ADAMTS18: variants seen among roughly 807,000 people sequenced by gnomAD.
The protein encoded by ADAMTS18 is A disintegrin and metalloproteinase with thrombospondin motifs 18.
Under a neutral mutation model 165.9 loss-of-function variants are expected in ADAMTS18, and 157 were observed. The ratio of observed to expected loss-of-function variants is 0.95; its 90% CI spans 0.83 to 1.08. ADAMTS18 has a LOEUF of 1.08. Among genes scored for constraint, ADAMTS18 ranks in the 50% least tolerant of loss-of-function variants. The pLI is 0.00. For synonymous variants in ADAMTS18, 782 were observed against 578.2 expected (o/e 1.35, Z -5.06); for missense variants, 2,040 against 1,534.0 (o/e 1.33, Z -5.51).
At chr16:77,349,123 T>C (rs1365320381) in intron 10 of ADAMTS18, among the ~76,000 whole-genome samples, 1 of 152,204 alleles carries the variant, frequency 6.6e-6, no homozygotes, top group East Asian at 1.9e-4. Flanking sequence ...AGTTTCTAAT[T>C]ATTCTCCATT....
chr16:77,342,177 G>A (rs992671319), intron 10 of ADAMTS18, among the ~76,000 whole-genome samples: 6 of 152,146 alleles, frequency 3.9e-5, no homozygotes, highest in Non-Finnish European at 7.4e-5. Context: ...TGAAATGCCT[G>A]GTTTCATGCC....
Position 77,320,016 on chromosome 16 carries a change from G to C in ADAMTS18, c.2365C>G (p.Leu789Val), listed in dbSNP as rs372870721. The C allele has an allele frequency of 1.5e-5, 24 of 1,614,038 alleles. No individual in the cohort carries two copies. The highest frequency in any genetic ancestry group is 1.8e-5 in the Non-Finnish European group (21 of 1,180,018). ...TTTTGACTGAGGCTTCGAACTGCGA[G>C]GTAACTGGAGGAAACCTGCAGCTCC... is the stretch of plus-strand genomic sequence containing the variant. ...IQELQVSSSY[L>V]AVRSLSQKYY... Residue 789 changes from leucine to valine, a missense_variant, in exon 16 of 23, where the codon CTC becomes GTC. By Grantham distance (32) the Leu-to-Val change is conservative (BLOSUM62 1). Coordinates refer to ENST00000282849, the MANE Select transcript of ADAMTS18 (RefSeq NM_199355.4).
chr16:77,282,589 G>C lies in ADAMTS18; in HGVS notation c.*1367C>G, dbSNP rs1168809872. ...CCAGCTTGAATTGAGACTTTTTAAAGAAGTAAAATTGGGTTACATTCATCA... is the reference window on the plus strand; with the variant it reads ...CCAGCTTGAATTGAGACTTTTTAAACAAGTAAAATTGGGTTACATTCATCA... On this transcript the variant is annotated 3_prime_UTR_variant, in exon 23 of 23. Coordinates refer to ENST00000282849, the MANE Select transcript of ADAMTS18 (RefSeq NM_199355.4). The C allele has an allele frequency of 6.6e-6, 1 of 152,524 alleles. No homozygotes were observed. The highest frequency in any genetic ancestry group is 2.4e-5 in the African/African-American group (1 of 41,420). The allele number at this position is 152,524 out of a possible 1,614,324, so 9.4% of individuals were successfully genotyped here. A position where few individuals can be genotyped will look rare whatever the true frequency, so the allele number is the denominator to read the frequency against.
intron 16 of ADAMTS18, among the ~76,000 whole-genome samples, chr16:77,312,457 C>T (rs540395173): frequency 2.6e-5 from 4 of 152,190 alleles, no homozygotes; most frequent in East Asian, 1.9e-4. Context: ...GGGCTGGTCT[C>T]GAACTCCTGA....
intron 10 of ADAMTS18, among the ~76,000 whole-genome samples, chr16:77,350,459 A>G (rs948919080): frequency 6.6e-6 from 1 of 152,146 alleles, no homozygotes; most frequent in Non-Finnish European, 1.5e-5. Flanking sequence ...ATGCGACTGT[A>G]CCAAGAGATG....
chr16:77,380,494 T>C (rs1456753951), intron 3 of ADAMTS18, among the ~76,000 whole-genome samples: 1 of 152,262 alleles, frequency 6.6e-6, no homozygotes, highest in Non-Finnish European at 1.5e-5. Flanking sequence ...AAGTTATGCC[T>C]GTGCCCATTC....
Position 77,319,952 on chromosome 16 carries a change from C to T in ADAMTS18, c.2429G>A (p.Gly810Glu). 4 of 1,614,202 alleles carry T rather than the reference C, an allele frequency of 2.5e-6. No individual in the cohort carries two copies. Among genetic ancestry groups the T allele is most frequent in the Non-Finnish European group, 3.4e-6 (4 of 1,180,034 alleles). ...CGTGGTCCCAGCGAAGGGGAACTCC[C>T]CAGGCCAGTCGATGCTCCAGCCCCC... ...LTGGWSIDWP[G>E]EFPFAGTTFE... The change falls in exon 16 of 23, where the codon GGG becomes GAG. Residue 810 changes from glycine to glutamate, a missense_variant. Coordinates refer to ENST00000282849, the MANE Select transcript of ADAMTS18 (RefSeq NM_199355.4).
chr16:77,374,745 C>A (rs528638285), intron 3 of ADAMTS18, among the ~76,000 whole-genome samples: 1 of 152,188 alleles, frequency 6.6e-6, no homozygotes, highest in South Asian at 2.1e-4. Flanking sequence ...AACTTCCACA[C>A]TGAGAAAGCA....
intron 12 of ADAMTS18, among the ~76,000 whole-genome samples, chr16:77,334,592 AG>A: frequency 1.8e-5 from 2 of 112,636 alleles, no homozygotes; most frequent in African/African-American, 7.2e-5. Context: ...TATAGTATAT[AG>A]TATATATATA....
intron 12 of ADAMTS18, among the ~76,000 whole-genome samples, chr16:77,330,871 T>C (rs946173756): frequency 2.0e-5 from 3 of 152,206 alleles, no homozygotes; most frequent in Non-Finnish European, 2.9e-5. Flanking sequence ...CACTGAGTGA[T>C]GTGAATAGAA....
intron 12 of ADAMTS18, among the ~76,000 whole-genome samples, chr16:77,333,780 CCTA>C (rs1301393326): frequency 2.7e-5 from 4 of 148,406 alleles, no homozygotes; most frequent in African/African-American, 9.9e-5. Context: ...ATCCATTCAT[CCTA>C]CTAATGCTGC....
At chr16:77,286,266 G>C (rs2055248930) in intron 22 of ADAMTS18, among the ~76,000 whole-genome samples, 1 of 152,120 alleles carries the variant, frequency 6.6e-6, no homozygotes. Context: ...GGTCGTGCCT[G>C]ATCATTATAA....
At chr16:77,353,614 G>A (rs1007365927) in intron 10 of ADAMTS18, 119 bp downstream of exon 10, 43 of 1,356,754 alleles carry the variant, frequency 3.2e-5, no homozygotes, top group Admixed American at 5.3e-5. Flanking sequence ...CAACTGACAC[G>A]GTAGAGATAA....
chr16:77,382,196 T>A (rs2057040852), intron 3 of ADAMTS18, among the ~76,000 whole-genome samples: 2 of 151,076 alleles, frequency 1.3e-5, no homozygotes, highest in African/African-American at 4.8e-5. Context: ...ACAACCAGTT[T>A]TTGGTTTTTT....
At position 77,359,388 on chromosome 16, in the gene ADAMTS18, G is replaced by A. The variant is rs763330900; in HGVS notation, c.1252C>T (p.Arg418Ter). 2.5e-6 allele frequency: 4 copies of A among 1,613,858 alleles called. No homozygotes were observed. Among genetic ancestry groups the A allele is most frequent in the African/African-American group, 2.7e-5 (2 of 74,882 alleles). Residue 418 changes from arginine to a stop codon, truncating the protein, a stop_gained, in exon 8 of 23, where the codon CGA becomes TGA. Transcript: ENST00000282849. LOFTEE classifies it high-confidence loss of function. ...APISGMCSKYRSCTINEDTGL... is the reference protein window; with the variant it reads ...APISGMCSKY ...GTGTCCTCATTGATGGTACAACTTC[G>A]GTACTTAGAGCACATTCCACTGATG... is the stretch of plus-strand genomic sequence containing the variant.
chr16:77,309,378 C>A (rs951410606), intron 16 of ADAMTS18, among the ~76,000 whole-genome samples: 2 of 152,122 alleles, frequency 1.3e-5, no homozygotes, highest in Admixed American at 6.5e-5. Context: ...GACAATCATA[C>A]AAATCCTTGA....
At chr16:77,427,425 T>A (rs547710870) in intron 3 of ADAMTS18, among the ~76,000 whole-genome samples, 1 of 152,356 alleles carries the variant, frequency 6.6e-6, no homozygotes, top group African/African-American at 2.4e-5. Flanking sequence ...ACCAATGTCA[T>A]GGCTTGCTGG....
chr16:77,367,828 G>T, intron 3 of ADAMTS18, 105 bp from the exon 4 acceptor site: 1 of 1,342,926 alleles, frequency 7.4e-7, no homozygotes. Flanking sequence ...GTGGGCACAG[G>T]AGCTAAAAGC....
At chr16:77,330,557 G>C (rs562152243) in intron 12 of ADAMTS18, among the ~76,000 whole-genome samples, 1 of 152,228 alleles carries the variant, frequency 6.6e-6, no homozygotes, top group Admixed American at 6.5e-5. Context: ...GTTCTAACCC[G>C]ATTGAGAACA....
Sources: allele counts gnomAD v4.1 joint callset (sites outside exome capture counted in the v4.1 genomes callset), GRCh38; gene constraint gnomAD v4.1.1; transcripts MANE v1.5; gene names NCBI Gene and HGNC (gene_info 2026-07-23, HGNC 2026-07-21).